DPYS: variants seen among roughly 807,000 people sequenced by gnomAD.
The protein encoded by DPYS is dihydropyrimidine amidohydrolase.
A neutral mutation model predicts 50.3 loss-of-function variants in DPYS; 39 were observed. That is an observed-to-expected ratio of 0.78 (90% confidence interval 0.60 to 1.01). The LOEUF (loss-of-function observed/expected upper bound fraction) is 1.01, where lower values mean the gene tolerates loss of function less well. Among genes scored for constraint, DPYS ranks in the 50% least tolerant of loss-of-function variants. The pLI is 0.00. For missense variants in DPYS, 659 were observed against 680.9 expected, an observed-to-expected ratio of 0.97 and a Z score of 0.36; for synonymous variants, 245 against 250.7, an observed-to-expected ratio of 0.98 and a Z score of 0.22.
intron 7 of DPYS, among the ~76,000 whole-genome samples, chr8:104,406,122 A>C (rs1027555086): frequency 6.6e-6 from 1 of 152,180 alleles, no homozygotes; most frequent in Admixed American, 6.5e-5. Context: ...CCAGAGACCA[A>C]GTATGAACCC....
intron 6 of DPYS, among the ~76,000 whole-genome samples, chr8:104,425,982 A>T (rs1326052270): frequency 6.6e-6 from 1 of 152,182 alleles, no homozygotes. Flanking sequence ...CCATTTATAT[A>T]CCAGGGAACT....
At chr8:104,411,183 T>G (rs1415426656) in intron 7 of DPYS, among the ~76,000 whole-genome samples, 1 of 152,248 alleles carries the variant, frequency 6.6e-6, no homozygotes, top group East Asian at 1.9e-4. Context: ...TTACACCTTA[T>G]ATTTATGTCT....
chr8:104,441,936 G>A (rs913715333), intron 4 of DPYS, among the ~76,000 whole-genome samples: 2 of 152,116 alleles, frequency 1.3e-5, no homozygotes, highest in African/African-American at 4.8e-5. Flanking sequence ...ATATTTTCAA[G>A]TGGAAAAAAA....
intron 1 of DPYS, among the ~76,000 whole-genome samples, chr8:104,465,044 T>C (rs1359190379): frequency 3.3e-5 from 5 of 152,216 alleles, no homozygotes; most frequent in African/African-American, 1.2e-4. Flanking sequence ...AATGGTGATT[T>C]GAGCAGCCTG....
At chr8:104,438,835 C>G (rs1212413496) in intron 4 of DPYS, among the ~76,000 whole-genome samples, 1 of 152,086 alleles carries the variant, frequency 6.6e-6, no homozygotes, top group South Asian at 2.1e-4. Flanking sequence ...CTAATCCCAG[C>G]TCTGTGGGAG....
At chr8:104,442,613 A>G (rs1394826017) in intron 4 of DPYS, among the ~76,000 whole-genome samples, 4 of 152,222 alleles carry the variant, frequency 2.6e-5, no homozygotes, top group Non-Finnish European at 5.9e-5. Flanking sequence ...ATGGTTGGTT[A>G]GTAAGATATT....
At chr8:104,426,994 A>G (rs1205029459) in intron 6 of DPYS, among the ~76,000 whole-genome samples, 2 of 152,094 alleles carry the variant, frequency 1.3e-5, no homozygotes, top group Non-Finnish European at 2.9e-5. Flanking sequence ...TGAGGTCAGG[A>G]GTTTGAAACC....
intron 2 of DPYS, among the ~76,000 whole-genome samples, chr8:104,449,056 CTTAA>C (rs1208895327): frequency 4.6e-5 from 7 of 152,006 alleles, no homozygotes; most frequent in Admixed American, 1.3e-4. Flanking sequence ...TTAATTGCTA[CTTAA>C]TTAATCTAGA....
intron 4 of DPYS, among the ~76,000 whole-genome samples, chr8:104,432,559 C>T (rs1812992129): frequency 6.6e-6 from 1 of 152,202 alleles, no homozygotes; most frequent in South Asian, 2.1e-4. Flanking sequence ...AGGATACAGC[C>T]AAACTTTCCT....
chr8:104,442,500 C>T (rs1186686377), intron 4 of DPYS, among the ~76,000 whole-genome samples: 1 of 152,202 alleles, frequency 6.6e-6, no homozygotes, highest in East Asian at 1.9e-4. Context: ...GCGTTGGCAA[C>T]AGCACCATCT....
intron 4 of DPYS, among the ~76,000 whole-genome samples, chr8:104,436,299 A>G (rs144062069): frequency 6.6e-6 from 1 of 152,306 alleles, no homozygotes; most frequent in East Asian, 1.9e-4. Context: ...ACAAAAAAGA[A>G]GACCAGGAGT....
chr8:104,440,835 T>C lies in DPYS; in HGVS notation c.793+3413A>G, dbSNP rs1225983045. The stretch of plus-strand genomic sequence containing the variant: ...ATTTACAGATGGGAGATTTTCATAG[T>C]ATAAATGTGTAAAACTGAATGATTT... On this transcript the variant is annotated intron_variant, in intron 4 of 9. Transcript: ENST00000351513. 4.6e-5 allele frequency among the ~76,000 whole-genome samples: 7 copies of C among 152,136 alleles called. No homozygotes were observed. In the East Asian group the frequency reaches 1.3e-3, roughly 29 times the overall value.
rs1012805452 is a variant in DPYS at position 104,379,651 on chromosome 8, A to T, written c.*207T>A. On this transcript the variant is annotated 3_prime_UTR_variant, in exon 10 of 10. Transcript: ENST00000351513. Reference sequence around the variant, plus strand: ...TTCCATCACAATAATATAAATTTATACCTTCAATCTTATGCAGCAACAAAA... The same window carrying T: ...TTCCATCACAATAATATAAATTTATTCCTTCAATCTTATGCAGCAACAAAA... 2 of 303,004 alleles carry T rather than the reference A, an allele frequency of 6.6e-6. No homozygotes were observed. The highest frequency in any genetic ancestry group is 1.3e-5 in the Non-Finnish European group (2 of 149,992). 18.8% of individuals were successfully genotyped at this position (303,004 alleles called of 1,614,324 possible). A position where few individuals can be genotyped will look rare whatever the true frequency, so the allele number is the denominator to read the frequency against.
chr8:104,411,156 C>T (rs1241716278), intron 7 of DPYS, among the ~76,000 whole-genome samples: 2 of 152,210 alleles, frequency 1.3e-5, no homozygotes, highest in African/African-American at 2.4e-5. Context: ...AAAATGCAAC[C>T]TCTCTGATGA....
chr8:104,384,443 CCTT>C (rs1161362083), intron 8 of DPYS, among the ~76,000 whole-genome samples: 6 of 152,228 alleles, frequency 3.9e-5, no homozygotes, highest in African/African-American at 7.2e-5. Context: ...TGATGGCACT[CCTT>C]CTGCAGAATC....
chr8:104,410,019 T>C (rs1812121615), intron 7 of DPYS, among the ~76,000 whole-genome samples: 1 of 152,248 alleles, frequency 6.6e-6, no homozygotes, highest in Non-Finnish European at 1.5e-5. Context: ...AATTAGATCC[T>C]AAGTTCCCTT....
At chr8:104,426,245 G>T (rs1044069240) in intron 6 of DPYS, among the ~76,000 whole-genome samples, 3 of 152,132 alleles carry the variant, frequency 2.0e-5, no homozygotes, top group African/African-American at 7.2e-5. Flanking sequence ...AAGGGTTTTT[G>T]AGAGAACAAT....
intron 7 of DPYS, chr8:104,421,348 A>C (rs1166161246): frequency 1.3e-5 from 2 of 152,196 alleles, no homozygotes; most frequent in Non-Finnish European, 2.9e-5. Context: ...CAAAAATGCA[A>C]AACAGCTGGG....
chr8:104,435,661 C>T (rs1259164782), intron 4 of DPYS, among the ~76,000 whole-genome samples: 1 of 152,020 alleles, frequency 6.6e-6, no homozygotes, highest in Non-Finnish European at 1.5e-5. Flanking sequence ...ATTTCTGTAA[C>T]CTGCTTTTCA....
Sources: gnomAD v4.1 joint callset for allele counts (sites outside exome capture counted in the v4.1 genomes callset) on GRCh38, gnomAD v4.1.1 for gene constraint, MANE v1.5 for transcripts, NCBI Gene and HGNC (gene_info 2026-07-23, HGNC 2026-07-21) for gene names.